The following TMEM131L variants were observed in gnomAD, a reference collection of about 807,000 sequenced individuals.
The protein encoded by TMEM131L is transmembrane 131 like, also known as transmembrane protein 131-like.
In TMEM131L, 54 loss-of-function variants were observed where a neutral mutation model predicts 192.2. The ratio of observed to expected loss-of-function variants is 0.28; its 90% CI spans 0.23 to 0.35. The LOEUF is 0.35. Ranked by LOEUF, TMEM131L falls within the 10% of genes least tolerant of loss-of-function variation. The pLI, the probability that TMEM131L is intolerant of heterozygous loss-of-function variation, is 1.00. For missense variants in TMEM131L, 1,888 were observed against 1,972.9 expected, an observed-to-expected ratio of 0.96 and a Z score of 0.82; for synonymous variants, 701 against 704.9, an observed-to-expected ratio of 0.99 and a Z score of 0.09.
At chr4:153,537,120 C>T (rs1736395443) in intron 3 of TMEM131L, among the ~76,000 whole-genome samples, 1 of 152,206 alleles carries the variant, frequency 6.6e-6, no homozygotes, top group Non-Finnish European at 1.5e-5. Context: ...TACTCTGCAT[C>T]CTTCAATCAA....
chr4:153,520,539 T>C (rs563902518), intron 3 of TMEM131L, among the ~76,000 whole-genome samples: 1 of 152,292 alleles, frequency 6.6e-6, no homozygotes, highest in African/African-American at 2.4e-5. Context: ...ATCTTAAAAA[T>C]AGATGACTAG....
At position 153,581,551 on chromosome 4, in the gene TMEM131L, G is replaced by T; in HGVS notation, c.883G>T (p.Glu295Ter). The change falls in exon 9 of 35, where the codon GAG (glutamate) becomes TAG (stop). Residue 295 changes from glutamate (E) to a stop codon, truncating the protein, a stop_gained. Transcript: ENST00000409959. LOFTEE classifies it high-confidence loss of function. ...SIVYVATDES[E>*]TSDDSAVNMY... ...TGTTTACGTAGCTACAGATGAATCT[G>T]AGACCTCAGGTAAGGTGGAATGTTT... 3 of 1,553,468 alleles carry T rather than the reference G, an allele frequency of 1.9e-6. No individual in the cohort carries two copies. The highest frequency in any genetic ancestry group is 1.2e-5 in the South Asian group (1 of 81,730).
intron 31 of TMEM131L, among the ~76,000 whole-genome samples, chr4:153,629,915 G>C (rs1260805379): frequency 6.6e-6 from 1 of 152,164 alleles, no homozygotes; most frequent in East Asian, 1.9e-4. Flanking sequence ...TCAAAGGTCT[G>C]AGTCTTTCTT....
Position 153,500,788 on chromosome 4 carries a change from AAC to A in TMEM131L, c.239+26907_239+26908del, listed in dbSNP as rs772088852. ...TATCTTAGCCTATTGAGACCAAAGA[AAC>A]ACACACGCTCACACACGCGTGCATG... On this transcript the variant is annotated intron_variant, in intron 3 of 34. Coordinates refer to ENST00000409959, the MANE Select transcript of TMEM131L (RefSeq NM_001131007.2). 2.6e-5 allele frequency among the ~76,000 whole-genome samples: 4 copies of A among 152,214 alleles called. No individual in the cohort carries two copies. The South Asian group carries it at 8.3e-4, about 32-fold the overall frequency.
intron 3 of TMEM131L, among the ~76,000 whole-genome samples, chr4:153,482,073 T>C (rs1247561734): frequency 6.6e-6 from 1 of 151,876 alleles, no homozygotes. Flanking sequence ...CTTGATCTCT[T>C]GACCTCGTCA....
chr4:153,603,504 T>G (rs754812177), intron 24 of TMEM131L, 52 bp downstream of exon 24: 21 of 1,530,802 alleles, frequency 1.4e-5, no homozygotes, highest in Middle Eastern at 3.5e-4. Context: ...TCACTTTTGA[T>G]ATTACTCATT....
intron 3 of TMEM131L, among the ~76,000 whole-genome samples, chr4:153,492,701 A>T (rs1221313203): frequency 1.3e-5 from 2 of 152,232 alleles, no homozygotes; most frequent in Non-Finnish European, 1.5e-5. Flanking sequence ...GAGAAGGAAC[A>T]TGTGACTTGG....
chr4:153,615,677 C>A (rs1169577067), intron 26 of TMEM131L, among the ~76,000 whole-genome samples: 2 of 152,140 alleles, frequency 1.3e-5, no homozygotes, highest in African/African-American at 2.4e-5. Flanking sequence ...TGGAGTCTTA[C>A]CTGTTGCCCT....
chr4:153,492,639 C>G (rs1732868427), intron 3 of TMEM131L, among the ~76,000 whole-genome samples: 1 of 152,098 alleles, frequency 6.6e-6, no homozygotes, highest in South Asian at 2.1e-4. Context: ...ATTGGTTAAA[C>G]TAGTAGGTTA....
At chr4:153,635,655 CT>C in intron 34 of TMEM131L, 84 bp downstream of exon 34, 2 of 1,497,120 alleles carry the variant, frequency 1.3e-6, no homozygotes, top group Non-Finnish European at 1.8e-6. Context: ...TCTCAGCTAG[CT>C]TTAGCGTTGG....
chr4:153,499,991 T>C (rs1235667369), intron 3 of TMEM131L, among the ~76,000 whole-genome samples: 2 of 152,146 alleles, frequency 1.3e-5, no homozygotes, highest in African/African-American at 4.8e-5. Flanking sequence ...TTATTCCTCA[T>C]GTTTTTCAGT....
At chr4:153,620,975 T>C in intron 27 of TMEM131L, 95 bp downstream of exon 27, 2 of 822,726 alleles carry the variant, frequency 2.4e-6, no homozygotes, top group Non-Finnish European at 3.9e-6. Context: ...TCGGTGATAT[T>C]AGATACCGAT....
rs147267955 is a variant in TMEM131L at position 153,623,034 on chromosome 4, C to A, written c.3996C>A (p.Ser1332=). ...GGAGCTGGAGCAGCACCAGCAGCTC[C>A]GACGGGGATAAGAAGCCCATGGTGG... The part of the protein sequence containing the change: ...SWGSWSSTSS[S]DGDKKPMVDA... Residue 1332 remains serine, a synonymous_variant, in exon 29 of 35, where the codon TCC becomes TCA. Coordinates refer to ENST00000409959, the MANE Select transcript of TMEM131L (RefSeq NM_001131007.2). 1.9e-6 allele frequency: 3 copies of A among 1,613,610 alleles called. No homozygotes were observed. Among genetic ancestry groups the A allele is most frequent in the African/African-American group, 1.3e-5 (1 of 74,886 alleles).
At chr4:153,494,447 G>A (rs1733016262) in intron 3 of TMEM131L, among the ~76,000 whole-genome samples, 1 of 152,164 alleles carries the variant, frequency 6.6e-6, no homozygotes, top group African/African-American at 2.4e-5. Context: ...GAGTCTGGAA[G>A]AATCTTCTAA....
chr4:153,504,726 G>A (rs1733871649), intron 3 of TMEM131L, among the ~76,000 whole-genome samples: 2 of 152,214 alleles, frequency 1.3e-5, no homozygotes, highest in South Asian at 4.2e-4. Context: ...CTCTTAACTA[G>A]GTTATGAGAT....
intron 3 of TMEM131L, among the ~76,000 whole-genome samples, chr4:153,484,891 G>A (rs1316084048): frequency 2.7e-5 from 4 of 146,168 alleles, no homozygotes; most frequent in Admixed American, 6.8e-5. Flanking sequence ...AGGCCGAGGC[G>A]GGCGGATCAC....
At chr4:153,609,290 AGT>A (rs1265971637) in intron 25 of TMEM131L, among the ~76,000 whole-genome samples, 1 of 152,086 alleles carries the variant, frequency 6.6e-6, no homozygotes, top group Non-Finnish European at 1.5e-5. Flanking sequence ...AGGAAGAGAG[AGT>A]GAAGGGGGAA....
At chr4:153,556,919 A>G (rs779865251) in intron 5 of TMEM131L, 47 bp from the exon 6 acceptor site, 4 of 853,620 alleles carry the variant, frequency 4.7e-6, no homozygotes, top group Non-Finnish European at 5.9e-6. Context: ...AAGACAGTTT[A>G]TCAAAGGAGG....
At chr4:153,569,314 T>G (rs2150590672) in intron 7 of TMEM131L, among the ~76,000 whole-genome samples, 1 of 152,296 alleles carries the variant, frequency 6.6e-6, no homozygotes, top group Non-Finnish European at 1.5e-5. Flanking sequence ...CCTCCCCTGA[T>G]TTCTTTGTTG....
Sources: gnomAD v4.1 joint callset for allele counts (sites outside exome capture counted in the v4.1 genomes callset) on GRCh38, gnomAD v4.1.1 for gene constraint, MANE v1.5 for transcripts, NCBI Gene and HGNC (gene_info 2026-07-23, HGNC 2026-07-21) for gene names.